Variants in RNF17 observed in about 807,000 individuals in gnomAD.
RNF17 encodes ring finger protein 17.
In RNF17, 31 loss-of-function variants were observed where a neutral mutation model predicts 200.5. That is an observed-to-expected ratio of 0.15 (90% CI 0.12 to 0.21). The LOEUF is 0.21. RNF17 is among the 10% of genes least tolerant of loss of function. The pLI is 1.00. For synonymous variants in RNF17, 606 were observed against 637.8 expected, an observed-to-expected ratio of 0.95 and a Z score of 0.75; for missense variants, 1,628 against 1,905.1, an observed-to-expected ratio of 0.85 and a Z score of 2.71.
chr13:24,859,176 A>G lies in RNF17; in HGVS notation c.3774+12A>G, dbSNP rs762350986. The G allele has an allele frequency of 1.9e-6, 3 of 1,560,566 alleles. No individual in the cohort carries two copies. Among genetic ancestry groups the G allele is most frequent in the Admixed American group, 1.9e-5 (1 of 53,948 alleles). ...GTGGCGCTGTCAGAGTGAGTCTGAT[A>G]TTCTTTTGTGACAATTCTAAAGCTA... is the stretch of plus-strand genomic sequence containing the variant. On this transcript the variant is annotated intron_variant, in intron 26 of 35. Coordinates refer to ENST00000255324, the MANE Select transcript of RNF17 (RefSeq NM_031277.3).
downstream of RNF17, among the ~76,000 whole-genome samples, chr13:24,880,763 T>C (rs114825013): frequency 0.017 from 2,545 of 152,320 alleles, 75 homozygotes; most frequent in African/African-American, 0.058. Context: ...TTTTGACTTT[T>C]ACAATTATTT....
In RNF17 at chr13:24,802,557, T is replaced by TA; in HGVS notation, c.1936dup (p.Met646AsnfsTer7). 6.2e-7 allele frequency: 1 copy of TA among 1,606,206 alleles called. No homozygotes were observed. Among genetic ancestry groups the TA allele is most frequent in the Non-Finnish European group, 8.5e-7 (1 of 1,177,314 alleles). Reference sequence around the variant, plus strand: ...TGTCTCTTAGAGATGCGCTAGTTTTTATGGAACTAGCAAAGTAAGTAACTT... The same window carrying TA: ...TGTCTCTTAGAGATGCGCTAGTTTTTAATGGAACTAGCAAAGTAAGTAACTT... On this transcript the variant is annotated frameshift_variant, in exon 14 of 36. Transcript: ENST00000255324. LOFTEE classifies it high-confidence loss of function.
chr13:24,837,931 ATTAGCACGAT>A (rs1465157563), intron 18 of RNF17, among the ~76,000 whole-genome samples: 9 of 152,262 alleles, frequency 5.9e-5, no homozygotes, highest in African/African-American at 2.2e-4. Context: ...TTGATAGGCC[ATTAGCACGAT>A]TTAGCACGAT....
intron 15 of RNF17, among the ~76,000 whole-genome samples, chr13:24,817,703 C>T (rs1398479246): frequency 6.8e-6 from 1 of 146,392 alleles, no homozygotes; most frequent in Non-Finnish European, 1.5e-5. Flanking sequence ...TGGGTGACAG[C>T]AAGACTTCAT....
At chr13:24,843,639 A>G (rs978628759) in intron 19 of RNF17, 105 bp from the exon 20 acceptor site, 1 of 697,972 alleles carries the variant, frequency 1.4e-6, no homozygotes, top group Non-Finnish European at 2.4e-6. Context: ...ATGAATTTTG[A>G]CAAAATAGTC....
At chr13:24,859,257 A>G (rs1391521133) in intron 26 of RNF17, 93 bp downstream of exon 26, 2 of 904,446 alleles carry the variant, frequency 2.2e-6, no homozygotes, top group African/African-American at 1.7e-5. Flanking sequence ...TTGGATTAAA[A>G]CATCTTTTGA....
At chr13:24,883,155 C>T (rs754406994), downstream of RNF17, 3 of 1,605,500 alleles carry the variant, frequency 1.9e-6, no homozygotes, top group East Asian at 2.2e-5. Flanking sequence ...GTTACTGTTA[C>T]TTCATGATCA....
chr13:24,879,080 AG>A, intron 34 of RNF17, 106 bp from the exon 35 acceptor site: 2 of 716,290 alleles, frequency 2.8e-6, no homozygotes, highest in Non-Finnish European at 4.8e-6. Context: ...AATTATCAAT[AG>A]GCCCCTGAGA....
At chr13:24,778,026 C>T (rs1881811399) in intron 3 of RNF17, among the ~76,000 whole-genome samples, 1 of 152,044 alleles carries the variant, frequency 6.6e-6, no homozygotes. Flanking sequence ...CTTTGGGGGG[C>T]CGAGGTGGGT....
At chr13:24,884,116 TGAAG>T (rs750188312), downstream of RNF17, 12 of 1,597,038 alleles carry the variant, frequency 7.5e-6, no homozygotes, top group South Asian at 1.1e-5. Context: ...AAATATTTTT[TGAAG>T]GAAGGGAAGA....
chr13:24,812,674 G>T lies in RNF17; in HGVS notation c.2091+8245G>T, dbSNP rs868230770. Among the ~76,000 whole-genome samples, 4 of 24,088 alleles carry T rather than the reference G, an allele frequency of 1.7e-4. No homozygotes were observed. In the East Asian group the frequency reaches 5.3e-3, roughly 32 times the overall value. 15.8% of individuals were successfully genotyped at this position (24,088 alleles called of 152,430 possible). A position where few individuals can be genotyped will look rare whatever the true frequency, so the allele number is the denominator to read the frequency against. ...AGCCATCTTGGCTCCTCCCCTCCCC[G>T]CCCCACCCCCTTTTTTTTTTTTTTT... On this transcript the variant is annotated intron_variant, in intron 15 of 35. Coordinates refer to ENST00000255324, the MANE Select transcript of RNF17 (RefSeq NM_031277.3).
chr13:24,787,349 G>C (rs1477325017), intron 6 of RNF17, among the ~76,000 whole-genome samples: 1 of 152,126 alleles, frequency 6.6e-6, no homozygotes, highest in African/African-American at 2.4e-5. Flanking sequence ...TTACCATTCT[G>C]TTTTCTTCCT....
chr13:24,823,233 CTGAG>C (rs1888272354), intron 15 of RNF17, among the ~76,000 whole-genome samples: 1 of 152,116 alleles, frequency 6.6e-6, no homozygotes, highest in Non-Finnish European at 1.5e-5. Context: ...GCCACCACAC[CTGAG>C]TAATTTTTGT....
At position 24,764,172 on chromosome 13, in the gene RNF17, C is replaced by A; in HGVS notation, c.-32C>A. On this transcript the variant is annotated 5_prime_UTR_variant, in exon 1 of 36. Coordinates refer to ENST00000255324, the MANE Select transcript of RNF17 (RefSeq NM_031277.3). ...GCCGCGAGGGCCGCCGGGACTCGCA[C>A]TCGGCGGTTGTTCCAGAAGAAAGAG... 6.4e-7 allele frequency: 1 copy of A among 1,557,298 alleles called. No homozygotes were observed. The highest frequency in any genetic ancestry group is 8.8e-7 in the Non-Finnish European group (1 of 1,139,924).
downstream of RNF17, among the ~76,000 whole-genome samples, chr13:24,880,718 C>T (rs1451403267): frequency 1.3e-5 from 2 of 152,110 alleles, no homozygotes; most frequent in Non-Finnish European, 2.9e-5. Flanking sequence ...AGTACATATA[C>T]ATAGTGATGG....
chr13:24,881,487 A>C (rs972282565), downstream of RNF17, among the ~76,000 whole-genome samples: 5 of 151,826 alleles, frequency 3.3e-5, no homozygotes, highest in Admixed American at 2.6e-4. Context: ...TCATTTAAAA[A>C]TCCTTACCTC....
chr13:24,859,057 C>T lies in RNF17; in HGVS notation c.3667C>T (p.Leu1223Phe), dbSNP rs950836601. 8.1e-6 allele frequency: 13 copies of T among 1,607,644 alleles called. No individual in the cohort carries two copies. Among genetic ancestry groups the T allele is most frequent in the Non-Finnish European group, 1.0e-5 (12 of 1,174,970 alleles). ...TCAAAGTAATTTAAAATGCCTTGGT[C>T]TTTTGGAGCCTTATTTCTGGAAAAA... ...EIQSNLKCLG[L>F]LEPYFWKKGE... Residue 1223 changes from leucine (L) to phenylalanine (F), a missense_variant, in exon 26 of 36, where the codon CTT becomes TTT. Leu to Phe is a conservative substitution (Grantham distance 22). Coordinates refer to ENST00000255324, the MANE Select transcript of RNF17 (RefSeq NM_031277.3).
chr13:24,796,559 C>G (rs1884598820), intron 11 of RNF17, among the ~76,000 whole-genome samples: 1 of 152,090 alleles, frequency 6.6e-6, no homozygotes, highest in Non-Finnish European at 1.5e-5. Context: ...AACTACAAGA[C>G]CCATGACAGA....
rs1885108710 is a variant in RNF17 at position 24,800,435 on chromosome 13, G to C, written c.1659G>C (p.Leu553=). 1 of 1,613,064 alleles carries C rather than the reference G, an allele frequency of 6.2e-7. No homozygotes were observed. Among genetic ancestry groups the C allele is most frequent in the Non-Finnish European group, 8.5e-7 (1 of 1,179,348 alleles). Residue 553 remains leucine (L), a synonymous_variant, in exon 13 of 36, where the codon CTG becomes CTC. Transcript: ENST00000255324. The part of the protein sequence containing the change: ...KQHIALNDLC[L]VLRKSEPYTE... ...ATATTGCACTAAATGATTTATGTCT[G>C]GTTCTAAGGAAATCTGAACCATATA... is the stretch of plus-strand genomic sequence containing the variant.
Sources: gnomAD v4.1 joint callset for allele counts (sites outside exome capture counted in the v4.1 genomes callset) on GRCh38, gnomAD v4.1.1 for gene constraint, MANE v1.5 for transcripts, NCBI Gene and HGNC (gene_info 2026-07-23, HGNC 2026-07-21) for gene names.